The following FHOD3 variants were observed in gnomAD, a reference collection of about 807,000 sequenced individuals.
FHOD3 encodes FH1/FH2 domain-containing protein 3.
A neutral mutation model predicts 173.0 loss-of-function variants in FHOD3; 90 were observed. The ratio of observed to expected loss-of-function variants is 0.52; its 90% CI spans 0.44 to 0.62. FHOD3 has a LOEUF of 0.62. Ranked by LOEUF, FHOD3 falls within the 20% of genes least tolerant of loss-of-function variation. The pLI is 0.00. For missense variants in FHOD3, 1,945 were observed against 2,034.7 expected (o/e 0.96, Z 0.85); for synonymous variants, 828 against 823.0 (o/e 1.01, Z -0.10).
intron 10 of FHOD3, among the ~76,000 whole-genome samples, chr18:36,644,698 A>G (rs1342865727): frequency 1.3e-5 from 2 of 152,214 alleles, no homozygotes; most frequent in African/African-American, 2.4e-5. Context: ...AGCCATTTGG[A>G]AAAGAGTTGG....
chr18:36,469,912 A>G (rs2053178318), intron 3 of FHOD3, among the ~76,000 whole-genome samples: 1 of 152,238 alleles, frequency 6.6e-6, no homozygotes, highest in Admixed American at 6.5e-5. Context: ...ACGTTCATGC[A>G]TAGTTCCCCT....
At chr18:36,302,502 T>C (rs1198333250) in intron 1 of FHOD3, among the ~76,000 whole-genome samples, 1 of 152,224 alleles carries the variant, frequency 6.6e-6, no homozygotes. Flanking sequence ...TAGGTCAGGC[T>C]CTCAGTACAT....
chr18:36,594,701 C>A, intron 6 of FHOD3, 86 bp from the exon 7 acceptor site: 1 of 826,858 alleles, frequency 1.2e-6, no homozygotes, highest in African/African-American at 1.7e-5. Context: ...CTAGGAAGTG[C>A]TGGGTGCCCG....
At chr18:36,653,525 A>T in intron 13 of FHOD3, 109 bp downstream of exon 13, 1 of 810,648 alleles carries the variant, frequency 1.2e-6, no homozygotes, top group Non-Finnish European at 1.9e-6. Context: ...CGTGACACAC[A>T]ATTACAGTTT....
Position 36,779,628 on chromosome 18 carries a change from C to A in FHOD3, c.*98C>A. 1 of 1,041,854 alleles carries A rather than the reference C, an allele frequency of 9.6e-7. No individual in the cohort carries two copies. The highest frequency in any genetic ancestry group is 1.5e-6 in the Non-Finnish European group (1 of 680,386). 64.5% of individuals were successfully genotyped at this position (1,041,854 alleles called of 1,614,324 possible). A position where few individuals can be genotyped will look rare whatever the true frequency, so the allele number is the denominator to read the frequency against. ...GGTTGGGGAGACTTGATATTCACAT[C>A]CAACAGTTTGAAAAGGGAGAGCTCA... On this transcript the variant is annotated 3_prime_UTR_variant, in exon 29 of 29. Transcript: ENST00000590592.
chr18:36,552,028 G>T (rs1328181226), intron 5 of FHOD3, among the ~76,000 whole-genome samples: 4 of 152,150 alleles, frequency 2.6e-5, no homozygotes, highest in Admixed American at 2.6e-4. Context: ...TCCCAATTCT[G>T]TGAAGAAAGT....
At chr18:36,446,058 A>G (rs1248240022) in intron 3 of FHOD3, among the ~76,000 whole-genome samples, 1 of 152,178 alleles carries the variant, frequency 6.6e-6, no homozygotes, top group Non-Finnish European at 1.5e-5. Flanking sequence ...GGAGACAGGA[A>G]CTTGTTGCCA....
chr18:36,547,302 G>A (rs1277497725), intron 5 of FHOD3, among the ~76,000 whole-genome samples: 1 of 152,196 alleles, frequency 6.6e-6, no homozygotes, highest in Non-Finnish European at 1.5e-5. Flanking sequence ...GGCCATGGTT[G>A]CACATCACCA....
chr18:36,659,857 G>A (rs1237053613), intron 14 of FHOD3, among the ~76,000 whole-genome samples: 1 of 152,198 alleles, frequency 6.6e-6, no homozygotes, highest in East Asian at 1.9e-4. Flanking sequence ...CCAGGTCCAG[G>A]TTTGGGCTAG....
At chr18:36,397,513 A>G (rs2048609272) in intron 3 of FHOD3, among the ~76,000 whole-genome samples, 1 of 152,160 alleles carries the variant, frequency 6.6e-6, no homozygotes, top group South Asian at 2.1e-4. Context: ...ATTCACACAC[A>G]TTTGTAACAA....
intron 1 of FHOD3, among the ~76,000 whole-genome samples, chr18:36,326,199 A>G (rs746162325): frequency 6.7e-4 from 102 of 152,342 alleles, no homozygotes; most frequent in Admixed American, 1.4e-3. Flanking sequence ...ACAAGAAACC[A>G]TTGAGTTTAT....
chr18:36,632,310 C>A (rs2034574109), intron 10 of FHOD3, among the ~76,000 whole-genome samples: 1 of 152,166 alleles, frequency 6.6e-6, no homozygotes, highest in Non-Finnish European at 1.5e-5. Flanking sequence ...ACTACTGAGG[C>A]TGTACAACTT....
Position 36,653,403 on chromosome 18 carries a change from T to C in FHOD3, c.1708T>C (p.Phe570Leu). Residue 570 changes from phenylalanine to leucine, a missense_variant, in exon 13 of 29, where the codon TTC (phenylalanine) becomes CTC (leucine). Physicochemically the swap from Phe to Leu is conservative, Grantham distance 22. Transcript: ENST00000590592. ...SASEPYHFRS[F>L]SSNRYSNFGN... Reference sequence around the variant, plus strand: ...CTCTGAGCCTTACCACTTCCGATCTTTCTCTTCTAATAGGTGGGTGTCTTT... The same window carrying C: ...CTCTGAGCCTTACCACTTCCGATCTCTCTCTTCTAATAGGTGGGTGTCTTT... The C allele has an allele frequency of 6.5e-7, 1 of 1,532,916 alleles. No homozygotes were observed. Among genetic ancestry groups the C allele is most frequent in the Non-Finnish European group, 8.7e-7 (1 of 1,144,534 alleles). 95.0% of individuals were successfully genotyped at this position (1,532,916 alleles called of 1,614,324 possible).
chr18:36,332,883 C>T (rs2045095744), intron 1 of FHOD3, among the ~76,000 whole-genome samples: 1 of 152,238 alleles, frequency 6.6e-6, no homozygotes, highest in African/African-American at 2.4e-5. Flanking sequence ...CCCTTACCCC[C>T]TGCCATGTGG....
chr18:36,560,737 A>C (rs2058052485), intron 5 of FHOD3, among the ~76,000 whole-genome samples: 1 of 152,184 alleles, frequency 6.6e-6, no homozygotes, highest in South Asian at 2.1e-4. Context: ...TTGGGTTGAA[A>C]GACTGGAGAG....
At chr18:36,733,443 G>A (rs1016492112) in intron 20 of FHOD3, among the ~76,000 whole-genome samples, 11 of 152,172 alleles carry the variant, frequency 7.2e-5, no homozygotes, top group African/African-American at 2.4e-4. Flanking sequence ...GAGCCAGCCT[G>A]ATTAAAAGAA....
intron 4 of FHOD3, 149 bp downstream of exon 4, chr18:36,502,148 A>G: frequency 2.3e-6 from 1 of 425,772 alleles, no homozygotes; most frequent in East Asian, 3.6e-5. Flanking sequence ...TTAGGTCATA[A>G]TATCAGTTGA....
In FHOD3 at chr18:36,471,869, C is replaced by T. The variant is rs114615210; in HGVS notation, c.338-30063C>T. On this transcript the variant is annotated intron_variant, in intron 3 of 28. Transcript: ENST00000590592. ...CTATCCCGGGGACGTTTCACATAAA[C>T]GAGATGATATGAGTAATGATTTTCA... Among the ~76,000 whole-genome samples, 960 of 152,198 alleles carry T rather than the reference C, an allele frequency of 6.3e-3. 6 individuals are homozygous for T. The highest frequency in any genetic ancestry group is 0.019 in the African/African-American group (809 of 41,528).
intron 3 of FHOD3, among the ~76,000 whole-genome samples, chr18:36,411,261 A>G (rs1179821993): frequency 6.6e-6 from 1 of 152,188 alleles, no homozygotes; most frequent in African/African-American, 2.4e-5. Context: ...GACCATCCTC[A>G]TATATTTTTG....
Sources: allele counts gnomAD v4.1 joint callset (sites outside exome capture counted in the v4.1 genomes callset), GRCh38; gene constraint gnomAD v4.1.1; transcripts MANE v1.5; gene names NCBI Gene and HGNC (gene_info 2026-07-23, HGNC 2026-07-21).